Variants in LRP3 observed in about 807,000 individuals in gnomAD.
The protein encoded by LRP3 is low-density lipoprotein receptor-related protein 3.
In LRP3, 49 loss-of-function variants were observed where a neutral mutation model predicts 58.5. The observed-to-expected ratio is 0.84, with a 90% CI of 0.67 to 1.06. The LOEUF is 1.06. Among genes scored for constraint, LRP3 ranks in the 50% least tolerant of loss-of-function variants. LRP3 has a pLI of 0.00. For missense variants in LRP3, 1,019 were observed against 1,134.2 expected (o/e 0.90, Z 1.46); for synonymous variants, 485 against 492.2 (o/e 0.99, Z 0.20).
chr19:33,206,893 T>C, intron 6 of LRP3, 95 bp from the exon 7 acceptor site: 1 of 1,210,482 alleles, frequency 8.3e-7, no homozygotes, highest in South Asian at 1.6e-5. Flanking sequence ...CTCTCGGGTC[T>C]CAGGTCCCTT....
Position 33,194,405 on chromosome 19 carries a change from CGG to C in LRP3, c.-378_-377del, listed in dbSNP as rs1276166963. ...GCAGCGCGGGGCGGCCCGGGGACGCCGGGGCCGGGCGGGCTGCGCGCCGCGGG... is the reference window on the plus strand; with the variant it reads ...GCAGCGCGGGGCGGCCCGGGGACGCCGGCCGGGCGGGCTGCGCGCCGCGGG... On this transcript the variant is annotated 5_prime_UTR_variant, in exon 1 of 7. Coordinates refer to ENST00000253193, the MANE Select transcript of LRP3 (RefSeq NM_002333.4). Among the ~76,000 whole-genome samples the C allele has an allele frequency of 6.9e-6, 1 of 144,316 alleles. No homozygotes were observed. The highest frequency in any genetic ancestry group is 1.5e-5 in the Non-Finnish European group (1 of 65,192). 94.7% of individuals were successfully genotyped at this position (144,316 alleles called of 152,430 possible).
At chr19:33,203,234 G>A (rs924488141) in intron 3 of LRP3, among the ~76,000 whole-genome samples, 1 of 150,492 alleles carries the variant, frequency 6.6e-6, no homozygotes, top group East Asian at 1.9e-4. Flanking sequence ...GCATGCAGAT[G>A]TGTGTGTGTG....
intron 2 of LRP3, 86 bp downstream of exon 2, chr19:33,196,863 C>A: frequency 1.6e-6 from 2 of 1,241,958 alleles, no homozygotes; most frequent in Non-Finnish European, 2.4e-6. Context: ...AGGGTCCTGG[C>A]ACTACCCCGA....
At chr19:33,203,146 T>C (rs552410562) in intron 3 of LRP3, among the ~76,000 whole-genome samples, 160 bp downstream of exon 3, 1 of 124,066 alleles carries the variant, frequency 8.1e-6, no homozygotes, top group South Asian at 2.6e-4. Flanking sequence ...AGCATATGAG[T>C]GAGGCGTGTG....
At chr19:33,200,377 G>A (rs767986774) in intron 2 of LRP3, among the ~76,000 whole-genome samples, 2 of 138,176 alleles carry the variant, frequency 1.4e-5, no homozygotes, top group Non-Finnish European at 3.2e-5. Flanking sequence ...GATCACAGAC[G>A]CCCAGTACCA....
chr19:33,203,426 A>G (rs1471029026), intron 3 of LRP3, among the ~76,000 whole-genome samples: 1 of 152,196 alleles, frequency 6.6e-6, no homozygotes, highest in Non-Finnish European at 1.5e-5. Flanking sequence ...TGCATGTGTG[A>G]GCACATGTAT....
intron 1 of LRP3, among the ~76,000 whole-genome samples, chr19:33,195,794 T>G (rs1974279321): frequency 6.6e-6 from 1 of 152,132 alleles, no homozygotes; most frequent in Non-Finnish European, 1.5e-5. Flanking sequence ...CCAACCTCAG[T>G]GCGGGGTCAT....
intron 1 of LRP3, among the ~76,000 whole-genome samples, chr19:33,195,835 G>C (rs1974279611): frequency 6.6e-6 from 1 of 152,208 alleles, no homozygotes; most frequent in East Asian, 1.9e-4. Context: ...CTGGGTGCTG[G>C]CATCCCTGGT....
In LRP3 at chr19:33,204,647, CTTTGACG is replaced by C; in HGVS notation, c.272_278del (p.Phe91TrpfsTer242). On this transcript the variant is annotated frameshift_variant, in exon 4 of 7. Coordinates refer to ENST00000253193, the MANE Select transcript of LRP3 (RefSeq NM_002333.4). LOFTEE classifies it high-confidence loss of function. ...CTCCGCCCCCCCGCAGCTTCCGCAACTTTGACGTGGAGGAGTCCCACCAGTGCTCCCT... is the reference window on the plus strand; with the variant it reads ...CTCCGCCCCCCCGCAGCTTCCGCAACTGGAGGAGTCCCACCAGTGCTCCCT... 1 of 1,605,312 alleles carries C rather than the reference CTTTGACG, an allele frequency of 6.2e-7. No homozygotes were observed. The highest frequency in any genetic ancestry group is 8.5e-7 in the Non-Finnish European group (1 of 1,178,714).
chr19:33,198,374 C>T (rs1974307081), intron 2 of LRP3, among the ~76,000 whole-genome samples: 1 of 152,196 alleles, frequency 6.6e-6, no homozygotes, highest in Non-Finnish European at 1.5e-5. Flanking sequence ...ATGGGAGCTG[C>T]ACGCCCAGCG....
At position 33,205,589 on chromosome 19, in the gene LRP3, C is replaced by T. The variant is rs776342535; in HGVS notation, c.819C>T (p.Ala273=). 31 of 1,609,930 alleles carry T rather than the reference C, an allele frequency of 1.9e-5. No individual in the cohort carries two copies. Among genetic ancestry groups the T allele is most frequent in the Middle Eastern group, 1.6e-4 (1 of 6,076 alleles). The change falls in exon 5 of 7, where the codon GCC becomes GCT. Residue 273 remains alanine (A), a synonymous_variant. Coordinates refer to ENST00000253193, the MANE Select transcript of LRP3 (RefSeq NM_002333.4). ...GSFASPDLFG[A]ARGPSDLHCT... ...TTGCCTCCCCAGACCTGTTCGGCGC[C>T]GCTCGCGGGCCCTCAGACCTTCACT... is the stretch of plus-strand genomic sequence containing the variant.
rs758766911 is a variant in LRP3 at position 33,208,444 on chromosome 19, G to A, written c.*869G>A. 3.4e-5 allele frequency: 8 copies of A among 236,472 alleles called. No homozygotes were observed. Among genetic ancestry groups the A allele is most frequent in the Non-Finnish European group, 5.9e-5 (7 of 119,290 alleles). The allele number at this position is 236,472 out of a possible 1,614,324, so 14.6% of individuals were successfully genotyped here. On this transcript the variant is annotated 3_prime_UTR_variant, in exon 7 of 7. Transcript: ENST00000253193. The surrounding 1 kb of genome is among the most constrained non-coding windows in gnomAD (Gnocchi z 4.7). ...GCATCGAGGGGCCTGGGGTAGGGGC[G>A]GACTGAGCTGCTACCCCATCCTCGA...
In LRP3 at chr19:33,207,633, C is replaced by T; in HGVS notation, c.*58C>T. Reference sequence around the variant, plus strand: ...GCTTTGTAACCAGGGAATACACAGTCATTTCTACCCTGCCTCTGCGTCCTT... The same window carrying T: ...GCTTTGTAACCAGGGAATACACAGTTATTTCTACCCTGCCTCTGCGTCCTT... On this transcript the variant is annotated 3_prime_UTR_variant, in exon 7 of 7. Coordinates refer to ENST00000253193, the MANE Select transcript of LRP3 (RefSeq NM_002333.4). 7.8e-7 allele frequency: 1 copy of T among 1,289,918 alleles called. No individual in the cohort carries two copies. The highest frequency in any genetic ancestry group is 1.1e-6 in the Non-Finnish European group (1 of 910,632). The allele number at this position is 1,289,918 out of a possible 1,614,324, so 79.9% of individuals were successfully genotyped here.
chr19:33,194,980 G>C (rs1262555478), intron 1 of LRP3, 122 bp downstream of exon 1: 37 of 339,526 alleles, frequency 1.1e-4, no homozygotes, highest in African/African-American at 8.2e-4. Flanking sequence ...GCTCCCGCGC[G>C]GAGACCCAGA....
intron 6 of LRP3, 43 bp from the exon 7 acceptor site, chr19:33,206,945 C>A: frequency 2.9e-6 from 4 of 1,379,240 alleles, no homozygotes; most frequent in Non-Finnish European, 3.8e-6. Flanking sequence ...CTGTCTGCCC[C>A]CTCAGCCGCA....
At position 33,207,214 on chromosome 19, in the gene LRP3, C is replaced by T; in HGVS notation, c.1952C>T (p.Pro651Leu). The T allele has an allele frequency of 6.4e-7, 1 of 1,559,632 alleles. No individual in the cohort carries two copies. The highest frequency in any genetic ancestry group is 8.6e-7 in the Non-Finnish European group (1 of 1,158,632). ...GCTCCAGGGGCTGCCCCCGACCCCC[C>T]AGCACCGCTCATGGACACAGGCAGC... Reference protein sequence around the residue: ...QPAPGAAPDPPAPLMDTGSTR... With the variant: ...QPAPGAAPDPLAPLMDTGSTR... Residue 651 changes from proline (P) to leucine (L), a missense_variant, in exon 7 of 7, where the codon CCA becomes CTA. By Grantham distance (98) the Pro-to-Leu change is moderately conservative. Around this residue, in one of 2 missense-constraint regions of LRP3, gnomAD observed 427 missense variants for 408.6 expected, o/e 1.04. Coordinates refer to ENST00000253193, the MANE Select transcript of LRP3 (RefSeq NM_002333.4).
chr19:33,199,518 C>A (rs2194169), intron 2 of LRP3, among the ~76,000 whole-genome samples: 1 of 152,058 alleles, frequency 6.6e-6, no homozygotes, highest in South Asian at 2.1e-4. Flanking sequence ...ACTTGCAGCT[C>A]CCTGCACAGA....
rs750296731 is a variant in LRP3, at chr19:33,204,749, C to T, written c.372C>T (p.Ile124=). The T allele has an allele frequency of 2.5e-6, 4 of 1,612,754 alleles. No homozygotes were observed. Among genetic ancestry groups the T allele is most frequent in the Non-Finnish European group, 3.4e-6 (4 of 1,179,976 alleles). ...QEAFRLCGSA[I]PPAFISARDH... is the part of the protein sequence containing the mutation. The stretch of plus-strand genomic sequence containing the variant: ...CCTTCCGCCTCTGTGGCTCCGCCAT[C>T]CCACCTGCCTTCATCTCTGCCCGCG... The change falls in exon 4 of 7, where the codon ATC becomes ATT. Residue 124 remains isoleucine (I), a synonymous_variant. Transcript: ENST00000253193.
intron 6 of LRP3, 73 bp from the exon 7 acceptor site, chr19:33,206,915 G>C: frequency 1.6e-6 from 2 of 1,262,194 alleles, no homozygotes; most frequent in South Asian, 1.6e-5. Flanking sequence ...GGGGTGTGCT[G>C]TCTCCTGCCC....
Sources: allele counts gnomAD v4.1 joint callset (sites outside exome capture counted in the v4.1 genomes callset), GRCh38; gene constraint gnomAD v4.1.1; regional missense constraint gnomAD v4.1.1; non-coding constraint Gnocchi (gnomAD v3.1); transcripts MANE v1.5; gene names NCBI Gene and HGNC (gene_info 2026-07-23, HGNC 2026-07-21).